Variants in THSD7A observed in about 807,000 individuals in gnomAD.
The protein encoded by THSD7A is thrombospondin type 1 domain containing 7A.
A neutral mutation model predicts 231.3 loss-of-function variants in THSD7A; 96 were observed. The ratio of observed to expected loss-of-function variants is 0.41; its 90% CI spans 0.35 to 0.49. The LOEUF (loss-of-function observed/expected upper bound fraction) is 0.49, where lower values mean the gene tolerates loss of function less well. THSD7A is among the 20% of genes least tolerant of loss of function. THSD7A has a pLI of 0.05. For synonymous variants in THSD7A, 940 were observed against 743.3 expected (o/e 1.26, Z -4.30); for missense variants, 2,290 against 2,070.2 (o/e 1.11, Z -2.06).
chr7:11,478,209 G>A (rs1399697090), intron 7 of THSD7A, among the ~76,000 whole-genome samples: 1 of 152,056 alleles, frequency 6.6e-6, no homozygotes, highest in East Asian at 1.9e-4. Context: ...CCTACATGAG[G>A]CCACCCACAT....
intron 6 of THSD7A, among the ~76,000 whole-genome samples, chr7:11,493,870 A>G (rs1786996160): frequency 6.6e-6 from 1 of 151,978 alleles, no homozygotes; most frequent in Non-Finnish European, 1.5e-5. Context: ...TTTGGGGGTA[A>G]TATCATCTAG....
At chr7:11,464,732 T>C (rs1035823914) in intron 9 of THSD7A, among the ~76,000 whole-genome samples, 2 of 152,116 alleles carry the variant, frequency 1.3e-5, no homozygotes, top group African/African-American at 4.8e-5. Flanking sequence ...AGGATAGAGA[T>C]TGTGACCTGA....
intron 2 of THSD7A, among the ~76,000 whole-genome samples, chr7:11,625,517 CT>C (rs1781447930): frequency 6.6e-6 from 1 of 151,858 alleles, no homozygotes; most frequent in South Asian, 2.1e-4. Flanking sequence ...CTCAATGAAA[CT>C]TTTGGGAAAA....
chr7:11,603,753 T>A (rs963878808), intron 2 of THSD7A, among the ~76,000 whole-genome samples: 1 of 151,292 alleles, frequency 6.6e-6, no homozygotes, highest in Non-Finnish European at 1.5e-5. Flanking sequence ...TTGGAAATCA[T>A]CATTCTCAGT....
chr7:11,600,881 G>C (rs1780527732), intron 2 of THSD7A, among the ~76,000 whole-genome samples: 1 of 152,184 alleles, frequency 6.6e-6, no homozygotes, highest in African/African-American at 2.4e-5. Context: ...ATTTGTCTGA[G>C]TTGAGGGGTC....
At chr7:11,389,333 C>T (rs1354943119) in intron 23 of THSD7A, among the ~76,000 whole-genome samples, 2 of 149,734 alleles carry the variant, frequency 1.3e-5, no homozygotes, top group African/African-American at 4.9e-5. Context: ...ACATTGATCC[C>T]TTTACCATAT....
At chr7:11,554,499 TGA>T (rs1358663223) in intron 4 of THSD7A, among the ~76,000 whole-genome samples, 1 of 152,092 alleles carries the variant, frequency 6.6e-6, no homozygotes, top group Non-Finnish European at 1.5e-5. Context: ...TATTTTTTTC[TGA>T]GAGTTTATTA....
chr7:11,673,477 T>C (rs78515231), intron 1 of THSD7A, among the ~76,000 whole-genome samples: 14,620 of 152,144 alleles, frequency 0.096, 893 homozygotes, highest in Non-Finnish European at 0.14. Context: ...GGCTTGGAAA[T>C]TGCAGGGACT....
chr7:11,462,246 T>A, intron 9 of THSD7A, 103 bp from the exon 10 acceptor site: 1 of 1,311,664 alleles, frequency 7.6e-7, no homozygotes, highest in South Asian at 1.6e-5. Context: ...CTACATGTGC[T>A]TTGACATCCC....
At chr7:11,631,697 G>A (rs1016970638) in intron 2 of THSD7A, among the ~76,000 whole-genome samples, 2 of 152,076 alleles carry the variant, frequency 1.3e-5, no homozygotes, top group African/African-American at 2.4e-5. Context: ...AATCCTTATC[G>A]TGTCTGCTAG....
chr7:11,636,328 C>T lies in THSD7A; in HGVS notation c.824G>A (p.Arg275Lys). ...CCGTTCTTTATTCTTCCCGCGTCTC[C>T]TTGCTTGTCTTACTTGTCGGGAGTG... Reference protein sequence around the residue: ...MPHSRQVRQARRRGKNKEREK... With the variant: ...MPHSRQVRQAKRRGKNKEREK... The change falls in exon 2 of 28, where the codon AGG becomes AAG. Residue 275 changes from arginine to lysine, a missense_variant. By Grantham distance (26) the Arg-to-Lys change is conservative. Transcript: ENST00000423059. This position sits in a 1 kb window ranked among gnomAD's most constrained non-coding sequence, Gnocchi z 10.0. The T allele has an allele frequency of 6.2e-7, 1 of 1,613,908 alleles. No homozygotes were observed. The highest frequency in any genetic ancestry group is 1.1e-5 in the South Asian group (1 of 91,076).
At chr7:11,575,519 C>T (rs550018256) in intron 4 of THSD7A, among the ~76,000 whole-genome samples, 2 of 152,090 alleles carry the variant, frequency 1.3e-5, no homozygotes, top group African/African-American at 4.8e-5. Flanking sequence ...CTATCCTCAC[C>T]GCAATGATGG....
chr7:11,509,258 G>A (rs148803198), intron 6 of THSD7A, among the ~76,000 whole-genome samples: 7 of 152,068 alleles, frequency 4.6e-5, no homozygotes, highest in African/African-American at 9.6e-5. Flanking sequence ...TTTGGTTTAC[G>A]GCATGCATAG....
intron 23 of THSD7A, among the ~76,000 whole-genome samples, chr7:11,397,458 G>T (rs1000832102): frequency 6.6e-5 from 10 of 152,216 alleles, no homozygotes; most frequent in Non-Finnish European, 1.2e-4. Flanking sequence ...CGTAAAAACC[G>T]TAGAAGAAAA....
chr7:11,515,538 T>A (rs1463218426), intron 6 of THSD7A, among the ~76,000 whole-genome samples: 1 of 152,098 alleles, frequency 6.6e-6, no homozygotes, highest in Non-Finnish European at 1.5e-5. Context: ...ATATAAAAAT[T>A]TAACTCATCA....
rs111868653 is a variant in THSD7A at position 11,566,087 on chromosome 7, C to T, written c.1454-22970G>A. 1.5e-3 allele frequency among the ~76,000 whole-genome samples: 228 copies of T among 152,258 alleles called. 3 individuals carry two copies. Among genetic ancestry groups the T allele is most frequent in the African/African-American group, 5.3e-3 (220 of 41,492 alleles). ...AAGGCTTCTGGGATTACTTAAACTA[C>T]TGCATGTGTTTCTTAAAAACAAATA... On this transcript the variant is annotated intron_variant, in intron 4 of 27. Coordinates refer to ENST00000423059, the MANE Select transcript of THSD7A (RefSeq NM_015204.3).
At position 11,814,892 on chromosome 7, in the gene THSD7A, C is replaced by T. The variant is rs866828088; in HGVS notation, c.190+16865G>A. On this transcript the variant is annotated intron_variant, in intron 1 of 27. Coordinates refer to ENST00000423059, the MANE Select transcript of THSD7A (RefSeq NM_015204.3). The surrounding 1 kb of genome is among the most constrained non-coding windows in gnomAD (Gnocchi z 5.1). ...ATCTTTGCTGCATTTCTGTGATTAT[C>T]TGTGCCAGCTCATGAGCAGCAGATG... Among the ~76,000 whole-genome samples, 25 of 152,010 alleles carry T rather than the reference C, an allele frequency of 1.6e-4. No homozygotes were observed. Among genetic ancestry groups the T allele is most frequent in the Middle Eastern group, 3.2e-3 (1 of 316 alleles).
At chr7:11,817,344 A>C (rs1263514686) in intron 1 of THSD7A, among the ~76,000 whole-genome samples, 1 of 152,230 alleles carries the variant, frequency 6.6e-6, no homozygotes, top group Non-Finnish European at 1.5e-5. Context: ...TCCAACCTCC[A>C]GCATTGCCTG....
chr7:11,446,564 C>G lies in THSD7A; in HGVS notation c.2801-240G>C. Among the ~76,000 whole-genome samples the G allele has an allele frequency of 6.6e-6, 1 of 152,034 alleles. No homozygotes were observed. Among genetic ancestry groups the G allele is most frequent in the East Asian group, 1.9e-4 (1 of 5,172 alleles). On this transcript the variant is annotated intron_variant, in intron 12 of 27. Transcript: ENST00000423059. This position sits in a 1 kb window ranked among gnomAD's most constrained non-coding sequence, Gnocchi z 4.0. ...TTTTCAGAACACTATTTTTCACATA[C>G]TTTTTAATTATACTACAGATAAGTA...
Sources: allele counts gnomAD v4.1 joint callset (sites outside exome capture counted in the v4.1 genomes callset), GRCh38; gene constraint gnomAD v4.1.1; non-coding constraint Gnocchi (gnomAD v3.1); transcripts MANE v1.5; gene names NCBI Gene and HGNC (gene_info 2026-07-23, HGNC 2026-07-21).